Variants in QSOX2 observed in about 807,000 individuals in gnomAD.
QSOX2 encodes the protein sulfhydryl oxidase 2.
A neutral mutation model predicts 61.7 loss-of-function variants in QSOX2; 46 were observed. The observed-to-expected ratio is 0.75, with a 90% CI of 0.59 to 0.95. The LOEUF (loss-of-function observed/expected upper bound fraction) is 0.95, where lower values mean the gene tolerates loss of function less well. QSOX2 is among the 40% of genes least tolerant of loss of function. The pLI is 0.00. For synonymous variants in QSOX2, 383 were observed against 388.4 expected (o/e 0.99, Z 0.16); for missense variants, 879 against 918.9 (o/e 0.96, Z 0.56).
chr9:136,226,725 G>T, intron 2 of QSOX2, 49 bp downstream of exon 2: 1 of 1,447,254 alleles, frequency 6.9e-7, no homozygotes, highest in Non-Finnish European at 9.7e-7. Flanking sequence ...CACCTGGAAG[G>T]TGGGGTAGAA....
At chr9:136,237,793 T>C (rs368787019) in intron 1 of QSOX2, among the ~76,000 whole-genome samples, 2 of 152,212 alleles carry the variant, frequency 1.3e-5, no homozygotes, top group South Asian at 4.1e-4. Flanking sequence ...GCCCGTCCTG[T>C]GCCAGTGTCC....
chr9:136,216,946 G>A (rs1444597860), intron 8 of QSOX2, among the ~76,000 whole-genome samples: 3 of 152,242 alleles, frequency 2.0e-5, no homozygotes, highest in Non-Finnish European at 2.9e-5. Context: ...CTGTGCCCAC[G>A]GCCATGCCTT....
chr9:136,211,627 C>T (rs965977012), intron 10 of QSOX2, among the ~76,000 whole-genome samples, 175 bp from the exon 11 acceptor site: 15 of 152,202 alleles, frequency 9.9e-5, no homozygotes, highest in African/African-American at 3.4e-4. Flanking sequence ...GCCAAGATGT[C>T]CAACACGCCC....
intron 8 of QSOX2, among the ~76,000 whole-genome samples, chr9:136,217,104 C>G (rs1313128303): frequency 6.6e-6 from 1 of 152,252 alleles, no homozygotes; most frequent in African/African-American, 2.4e-5. Context: ...CTGTGCTGAC[C>G]CCGCCTGCCC....
intron 1 of QSOX2, among the ~76,000 whole-genome samples, chr9:136,238,562 C>T (rs992599810): frequency 1.3e-5 from 2 of 152,214 alleles, no homozygotes; most frequent in Admixed American, 6.5e-5. Flanking sequence ...GCAAGCCCGG[C>T]GGGCAGCCTC....
At chr9:136,242,085 C>G (rs1830437811) in intron 1 of QSOX2, among the ~76,000 whole-genome samples, 1 of 152,274 alleles carries the variant, frequency 6.6e-6, no homozygotes. Context: ...AGGTTTTGTT[C>G]TGCAAAGTAC....
rs1281011185 is a variant in QSOX2 at position 136,224,046 on chromosome 9, C to T, written c.545G>A (p.Gly182Glu). 3 of 1,613,978 alleles carry T rather than the reference C, an allele frequency of 1.9e-6. No homozygotes were observed. The highest frequency in any genetic ancestry group is 2.5e-6 in the Non-Finnish European group (3 of 1,180,026). Residue 182 changes from glycine to glutamate, a missense_variant, in exon 4 of 12, where the codon GGA becomes GAA. Coordinates refer to ENST00000358701, the MANE Select transcript of QSOX2 (RefSeq NM_181701.4). ...GCGCGGGCAGGCAGGGGGCCGGCTTCCTTCCGTGTGGTTCTGCAGGAAGTC... is the reference window on the plus strand; with the variant it reads ...GCGCGGGCAGGCAGGGGGCCGGCTTTCTTCCGTGTGGTTCTGCAGGAAGTC... ...MIDFLQNHTEGSRPPACPRLD... is the reference protein window; with the variant it reads ...MIDFLQNHTEESRPPACPRLD...
chr9:136,223,342 G>A lies in QSOX2; in HGVS notation c.675+421C>T, dbSNP rs1008774347. Among the ~76,000 whole-genome samples the A allele has an allele frequency of 2.6e-5, 4 of 152,212 alleles. No individual in the cohort carries two copies. The highest frequency in any genetic ancestry group is 9.6e-5 in the African/African-American group (4 of 41,454). On this transcript the variant is annotated intron_variant, in intron 5 of 11. Transcript: ENST00000358701. This position sits in a 1 kb window ranked among gnomAD's most constrained non-coding sequence, Gnocchi z 4.4. ...AACTGTACGTGTGAAATCAAAGTAT[G>A]ACGATAGAAACGACGTTTTACAGAA...
intron 1 of QSOX2, among the ~76,000 whole-genome samples, chr9:136,239,559 A>C (rs1830418146): frequency 6.6e-6 from 1 of 152,234 alleles, no homozygotes; most frequent in African/African-American, 2.4e-5. Flanking sequence ...TTTCCAGCGC[A>C]AATTCATCCC....
chr9:136,240,288 CA>C (rs1208878731), intron 1 of QSOX2, among the ~76,000 whole-genome samples: 1 of 152,212 alleles, frequency 6.6e-6, no homozygotes, highest in African/African-American at 2.4e-5. Context: ...ATGTGCTTGT[CA>C]AATAACTCTA....
At chr9:136,230,334 T>G (rs1409564522) in intron 1 of QSOX2, among the ~76,000 whole-genome samples, 2 of 152,202 alleles carry the variant, frequency 1.3e-5, no homozygotes, top group African/African-American at 4.8e-5. Context: ...AGAGAGAATG[T>G]GAAGAGTTCA....
intron 1 of QSOX2, among the ~76,000 whole-genome samples, chr9:136,237,953 G>C (rs1047608046): frequency 2.0e-5 from 3 of 152,262 alleles, no homozygotes. Flanking sequence ...CCCAGGGACA[G>C]TGCACAAAGA....
chr9:136,226,647 C>T, intron 2 of QSOX2, 127 bp downstream of exon 2: 3 of 790,602 alleles, frequency 3.8e-6, no homozygotes, highest in Non-Finnish European at 6.8e-6. Flanking sequence ...AAGGAGAGAG[C>T]CAGAGAAGCC....
chr9:136,225,646 T>C (rs1453713537), intron 2 of QSOX2, among the ~76,000 whole-genome samples: 1 of 152,190 alleles, frequency 6.6e-6, no homozygotes, highest in Non-Finnish European at 1.5e-5. Flanking sequence ...CGCGGCCCAG[T>C]GGCTTCTCTC....
intron 1 of QSOX2, among the ~76,000 whole-genome samples, chr9:136,234,204 CT>C (rs748054642): frequency 3.3e-5 from 5 of 152,228 alleles, no homozygotes; most frequent in Non-Finnish European, 7.3e-5. Context: ...TCTTCTCTAG[CT>C]TCCTTTACTG....
chr9:136,211,480 C>T (rs200090727), intron 10 of QSOX2, 28 bp from the exon 11 acceptor site: 89 of 1,607,772 alleles, frequency 5.5e-5, no homozygotes, highest in East Asian at 3.8e-4. Context: ...CTGCTGACAA[C>T]GGCAGGTGCG....
chr9:136,242,794 G>T (rs542180510), intron 1 of QSOX2, among the ~76,000 whole-genome samples: 1 of 152,320 alleles, frequency 6.6e-6, no homozygotes, highest in East Asian at 1.9e-4. Context: ...CAGCTCCGGG[G>T]ACTCCTCAGT....
intron 2 of QSOX2, 49 bp from the exon 3 acceptor site, chr9:136,224,958 C>A: frequency 6.9e-7 from 1 of 1,439,938 alleles, no homozygotes; most frequent in Non-Finnish European, 9.6e-7. Context: ...CCATGGGCAT[C>A]TGCATGTGTT....
intron 1 of QSOX2, 90 bp from the exon 2 acceptor site, chr9:136,226,964 A>G: frequency 2.0e-6 from 2 of 1,012,644 alleles, no homozygotes; most frequent in Non-Finnish European, 3.1e-6. Context: ...GGCTGCGGCC[A>G]CCTGCGAGAC....
Sources: gnomAD v4.1 joint callset for allele counts (sites outside exome capture counted in the v4.1 genomes callset) on GRCh38, gnomAD v4.1.1 for gene constraint, Gnocchi (gnomAD v3.1) non-coding constraint, MANE v1.5 for transcripts, NCBI Gene and HGNC (gene_info 2026-07-23, HGNC 2026-07-21) for gene names.